The following KIAA0825 variants were observed in gnomAD, a reference collection of about 807,000 sequenced individuals.
The protein encoded by KIAA0825 is uncharacterized protein KIAA0825.
In KIAA0825, 119 loss-of-function variants were observed where a neutral mutation model predicts 147.6. The ratio of observed to expected loss-of-function variants is 0.81; its 90% confidence interval spans 0.69 to 0.94. The LOEUF is 0.94. Ranked by LOEUF, KIAA0825 falls within the 40% of genes least tolerant of loss-of-function variation. The probability of loss-of-function intolerance (pLI) is 0.00; values close to 1 mark genes in which losing one functional copy is unlikely to be tolerated. For missense variants in KIAA0825, 1,381 were observed against 1,472.7 expected, an observed-to-expected ratio of 0.94 and a Z score of 1.02; for synonymous variants, 470 against 518.1, an observed-to-expected ratio of 0.91 and a Z score of 1.26.
At chr5:94,388,608 C>A (rs763203127) in intron 18 of KIAA0825, among the ~76,000 whole-genome samples, 1 of 152,138 alleles carries the variant, frequency 6.6e-6, no homozygotes, top group African/African-American at 2.4e-5. Flanking sequence ...TAACTGATTT[C>A]GCCTTACGTA....
chr5:94,576,586 T>C lies in KIAA0825; in HGVS notation c.-2+5847A>G, dbSNP rs1781092455. On this transcript the variant is annotated intron_variant, in intron 2 of 20. Transcript: ENST00000682413. ...GAAGCCTCTAACCAGATGTGGACCC[T>C]TGACCCTGGACTTCTCAGTTTCTAG... Among the ~76,000 whole-genome samples the C allele has an allele frequency of 2.0e-5, 3 of 152,290 alleles. No homozygotes were observed. The South Asian group carries it at 6.2e-4, about 32-fold the overall frequency.
chr5:94,509,275 G>A (rs902241906), intron 5 of KIAA0825, among the ~76,000 whole-genome samples: 1 of 152,050 alleles, frequency 6.6e-6, no homozygotes, highest in Non-Finnish European at 1.5e-5. Flanking sequence ...CCCTTTTTGT[G>A]TCCTAACAAC....
intron 1 of KIAA0825, chr5:94,594,018 T>C (rs1225425486): frequency 1.4e-5 from 7 of 516,984 alleles, no homozygotes; most frequent in Non-Finnish European, 2.7e-5. Flanking sequence ...ATGATCCACC[T>C]CAAAGGGATG....
intron 20 of KIAA0825, among the ~76,000 whole-genome samples, chr5:94,262,060 A>C (rs1776522642): frequency 6.6e-6 from 1 of 152,174 alleles, no homozygotes; most frequent in Non-Finnish European, 1.5e-5. Context: ...AAGTGGCAAA[A>C]ATATTTGCAA....
intron 20 of KIAA0825, among the ~76,000 whole-genome samples, chr5:94,367,196 C>A (rs912914042): frequency 6.6e-6 from 1 of 152,134 alleles, no homozygotes; most frequent in African/African-American, 2.4e-5. Flanking sequence ...TGAAGAGGAA[C>A]CTCCACTTTA....
chr5:94,252,180 A>G (rs1192400872), intron 20 of KIAA0825, among the ~76,000 whole-genome samples: 4 of 152,028 alleles, frequency 2.6e-5, no homozygotes, highest in Non-Finnish European at 5.9e-5. Context: ...CACAATTAAT[A>G]TTGTATAAAA....
chr5:94,343,166 A>T (rs1171444046), intron 20 of KIAA0825, among the ~76,000 whole-genome samples: 1 of 152,212 alleles, frequency 6.6e-6, no homozygotes, highest in Admixed American at 6.5e-5. Context: ...GAAGGTATCA[A>T]TTATCTACAA....
intron 18 of KIAA0825, among the ~76,000 whole-genome samples, chr5:94,390,589 A>G (rs1047973587): frequency 6.6e-6 from 1 of 152,200 alleles, no homozygotes; most frequent in Non-Finnish European, 1.5e-5. Flanking sequence ...TCAGGCTATC[A>G]TGGAATACAT....
Position 94,241,554 on chromosome 5 carries a change from A to C in KIAA0825, c.3711-87430T>G, listed in dbSNP as rs528876633. Among the ~76,000 whole-genome samples, 4 of 152,354 alleles carry C rather than the reference A, an allele frequency of 2.6e-5. No individual in the cohort carries two copies. In the South Asian group the frequency reaches 8.3e-4, roughly 32 times the overall value. On this transcript the variant is annotated intron_variant, in intron 20 of 20. Coordinates refer to ENST00000682413, the MANE Select transcript of KIAA0825 (RefSeq NM_001145678.3). ...CAGCTACCTGCTGGAAAATGGTTCCATTCACTTGATGATGAATGAACAGAT... is the reference window on the plus strand; with the variant it reads ...CAGCTACCTGCTGGAAAATGGTTCCCTTCACTTGATGATGAATGAACAGAT...
chr5:94,202,675 C>G (rs79171440), intron 20 of KIAA0825, among the ~76,000 whole-genome samples: 2,770 of 152,198 alleles, frequency 0.018, 45 homozygotes, highest in Middle Eastern at 0.027. Context: ...CTTACTGCAC[C>G]CAGTGACCCA....
intron 20 of KIAA0825, among the ~76,000 whole-genome samples, chr5:94,344,111 A>G (rs2150340621): frequency 6.6e-6 from 1 of 152,330 alleles, no homozygotes; most frequent in East Asian, 1.9e-4. Context: ...CTAGGTATAT[A>G]AAAACAAATT....
chr5:94,554,109 G>C (rs1055520851), intron 2 of KIAA0825, among the ~76,000 whole-genome samples: 1 of 152,200 alleles, frequency 6.6e-6, no homozygotes, highest in Non-Finnish European at 1.5e-5. Context: ...CTTCTATGGT[G>C]ATAGGAGAGA....
At chr5:94,280,030 C>A (rs1045346156) in intron 20 of KIAA0825, among the ~76,000 whole-genome samples, 1 of 152,022 alleles carries the variant, frequency 6.6e-6, no homozygotes, top group Non-Finnish European at 1.5e-5. Context: ...GAAGCTCAGT[C>A]GGCACAGCCA....
chr5:94,278,059 C>T (rs533852491), intron 20 of KIAA0825, among the ~76,000 whole-genome samples: 156 of 152,148 alleles, frequency 1.0e-3, no homozygotes, highest in African/African-American at 3.5e-3. Flanking sequence ...GGGAGCTGAA[C>T]AGTGAGAACA....
chr5:94,265,072 T>G (rs1583986253), intron 20 of KIAA0825, among the ~76,000 whole-genome samples: 1 of 152,086 alleles, frequency 6.6e-6, no homozygotes, highest in East Asian at 1.9e-4. Context: ...TATGAGCCAC[T>G]GTGCCCGGTC....
In KIAA0825 at chr5:94,374,063, A is replaced by G. The variant is rs572284778; in HGVS notation, c.3710+10305T>C. Among the ~76,000 whole-genome samples, 7 of 152,298 alleles carry G rather than the reference A, an allele frequency of 4.6e-5. No homozygotes were observed. The South Asian group carries it at 1.4e-3, about 32-fold the overall frequency. ...ATTACAGAGGTTTTTGGGTCTGAAC[A>G]GTATGTGACAGGGGAATAGTCATTG... On this transcript the variant is annotated intron_variant, in intron 20 of 20. Coordinates refer to ENST00000682413, the MANE Select transcript of KIAA0825 (RefSeq NM_001145678.3).
rs573239943 is a variant in KIAA0825, at chr5:94,486,547, T to C, written c.971-1617A>G. Among the ~76,000 whole-genome samples, 10 of 152,156 alleles carry C rather than the reference T, an allele frequency of 6.6e-5. No individual in the cohort carries two copies. The South Asian group carries it at 8.3e-4, about 13-fold the overall frequency. The stretch of plus-strand genomic sequence containing the variant: ...GTACTGTTCTGAAACAGTAAAAAGG[T>C]TTTAAAAAATCTGCAAGTAAATACA... On this transcript the variant is annotated intron_variant, in intron 5 of 20. Coordinates refer to ENST00000682413, the MANE Select transcript of KIAA0825 (RefSeq NM_001145678.3).
chr5:94,610,573 G>C (rs1788532271), intron 1 of KIAA0825, among the ~76,000 whole-genome samples: 1 of 150,090 alleles, frequency 6.7e-6, no homozygotes, highest in Non-Finnish European at 1.5e-5. Context: ...GACCAGCCTG[G>C]GCAACATGGT....
chr5:94,314,320 T>C (rs961264262), intron 20 of KIAA0825, among the ~76,000 whole-genome samples: 2 of 151,700 alleles, frequency 1.3e-5, no homozygotes, highest in Admixed American at 6.6e-5. Context: ...ACAGCAGTTT[T>C]GTTGTGCTTT....
Sources: allele counts gnomAD v4.1 joint callset (sites outside exome capture counted in the v4.1 genomes callset), GRCh38; gene constraint gnomAD v4.1.1; transcripts MANE v1.5; gene names NCBI Gene and HGNC (gene_info 2026-07-23, HGNC 2026-07-21).